The following ARB2A variants were observed in gnomAD, a reference collection of about 807,000 sequenced individuals.
ARB2A encodes ARB2 cotranscriptional regulator A.
the ARB2A span, among the ~76,000 whole-genome samples, chr5:94,031,530 G>C: frequency 6.6e-6 from 1 of 152,214 alleles, no homozygotes; most frequent in African/African-American, 2.4e-5. Context: ...CGAGATGCTA[G>C]AGAAAGGAAG....
At chr5:94,068,525 G>A in the ARB2A span, among the ~76,000 whole-genome samples, 2 of 152,208 alleles carry the variant, frequency 1.3e-5, no homozygotes, top group Non-Finnish European at 2.9e-5. Flanking sequence ...GGGACCCAAA[G>A]GGGGTTGCCA....
chr5:93,766,243 C>G, the ARB2A span, among the ~76,000 whole-genome samples: 14 of 152,148 alleles, frequency 9.2e-5, no homozygotes, highest in South Asian at 2.1e-4. Flanking sequence ...CCATCAGAGT[C>G]AACAGGCAAC....
At chr5:93,620,285 CT>C in the ARB2A span, 4 of 152,208 alleles carry the variant, frequency 2.6e-5, no homozygotes, top group South Asian at 8.3e-4. Context: ...TCACAATTAG[CT>C]GGCAAAAGGA....
At chr5:93,653,427 G>T in the ARB2A span, among the ~76,000 whole-genome samples, 1 of 143,680 alleles carries the variant, frequency 7.0e-6, no homozygotes, top group African/African-American at 2.6e-5. Context: ...CAGGAGAATG[G>T]CATGAACCCG....
chr5:93,646,113 T>C, the ARB2A span, among the ~76,000 whole-genome samples: 1 of 152,182 alleles, frequency 6.6e-6, no homozygotes, highest in Non-Finnish European at 1.5e-5. Flanking sequence ...TATATCATTT[T>C]GTAGTATCAG....
At chr5:93,979,693 C>A in the ARB2A span, among the ~76,000 whole-genome samples, 1 of 152,034 alleles carries the variant, frequency 6.6e-6, no homozygotes, top group East Asian at 1.9e-4. Flanking sequence ...CTCAAGCTGG[C>A]AGGTTTTATT....
At chr5:93,978,690 G>T in the ARB2A span, among the ~76,000 whole-genome samples, 1 of 151,974 alleles carries the variant, frequency 6.6e-6, no homozygotes, top group African/African-American at 2.4e-5. Flanking sequence ...CACTAGTTGG[G>T]TGATGAACTC....
the ARB2A span, among the ~76,000 whole-genome samples, chr5:93,831,208 G>C: frequency 2.6e-5 from 4 of 151,774 alleles, no homozygotes; most frequent in Non-Finnish European, 4.4e-5. Flanking sequence ...CTGTGACCCG[G>C]GGTTTGGGGA....
At chr5:93,849,821 T>A in the ARB2A span, among the ~76,000 whole-genome samples, 1 of 152,034 alleles carries the variant, frequency 6.6e-6, no homozygotes, top group East Asian at 1.9e-4. Context: ...AAATACTGGG[T>A]GAAAATTAGG....
the ARB2A span, among the ~76,000 whole-genome samples, chr5:93,727,257 G>C: frequency 2.4e-4 from 37 of 152,150 alleles, no homozygotes; most frequent in Non-Finnish European, 4.4e-4. Flanking sequence ...TTGGGTAAGA[G>C]AGCAGAAGCA....
At chr5:93,920,137 A>T in the ARB2A span, among the ~76,000 whole-genome samples, 1 of 152,170 alleles carries the variant, frequency 6.6e-6, no homozygotes, top group Non-Finnish European at 1.5e-5. Flanking sequence ...AGTATAAACC[A>T]CTATATACTA....
At chr5:93,650,633 TG>T in the ARB2A span, among the ~76,000 whole-genome samples, 1 of 152,070 alleles carries the variant, frequency 6.6e-6, no homozygotes, top group Admixed American at 6.6e-5. Context: ...ATCCCAAATT[TG>T]GTGAAAAACA....
chr5:93,988,933 A>AGAGTCCCTGGAGTTAGAG, the ARB2A span, among the ~76,000 whole-genome samples: 3 of 152,110 alleles, frequency 2.0e-5, no homozygotes, highest in Non-Finnish European at 4.4e-5. Flanking sequence ...TCTAGAGTCT[A>AGAGTCCCTGGAGTTAGAG]TTTTCTAAAC....
the ARB2A span, chr5:93,881,696 G>C: frequency 6.8e-7 from 1 of 1,469,250 alleles, no homozygotes; most frequent in African/African-American, 1.4e-5. Flanking sequence ...TTCCTGTTTT[G>C]AAATGAAAGA....
the ARB2A span, among the ~76,000 whole-genome samples, chr5:93,963,022 G>A: frequency 6.6e-6 from 1 of 152,032 alleles, no homozygotes; most frequent in Non-Finnish European, 1.5e-5. Context: ...CCTAGAACTA[G>A]AAGTATTATA....
At chr5:94,011,992 G>C in the ARB2A span, among the ~76,000 whole-genome samples, 1 of 144,988 alleles carries the variant, frequency 6.9e-6, no homozygotes, top group South Asian at 2.2e-4. Flanking sequence ...TGAGCGTTCA[G>C]ATAGGTAAAG....
At chr5:93,680,684 A>T in the ARB2A span, among the ~76,000 whole-genome samples, 2 of 152,274 alleles carry the variant, frequency 1.3e-5, no homozygotes, top group East Asian at 3.9e-4. Context: ...GGTTAATCTG[A>T]TTATTGGGTA....
the ARB2A span, among the ~76,000 whole-genome samples, chr5:93,834,258 G>A: frequency 6.6e-6 from 1 of 152,154 alleles, no homozygotes; most frequent in Non-Finnish European, 1.5e-5. Context: ...GTAGCACCTA[G>A]TGTGAGACCA....
chr5:93,951,266 T>C, the ARB2A span, among the ~76,000 whole-genome samples: 1 of 152,178 alleles, frequency 6.6e-6, no homozygotes, highest in Non-Finnish European at 1.5e-5. Flanking sequence ...CAAATATTAT[T>C]TCCCCTTCTG....
Sources: allele counts gnomAD v4.1 joint callset (sites outside exome capture counted in the v4.1 genomes callset), GRCh38; gene constraint gnomAD v4.1.1; transcripts MANE v1.5; gene names NCBI Gene and HGNC (gene_info 2026-07-23, HGNC 2026-07-21).